BCAS3: variants seen among roughly 807,000 people sequenced by gnomAD.
BCAS3 encodes BCAS3 microtubule associated cell migration factor, also known as BCAS4/BCAS3 fusion.
Under a neutral mutation model 116.1 loss-of-function variants are expected in BCAS3, and 53 were observed. The ratio of observed to expected loss-of-function variants is 0.46; its 90% confidence interval spans 0.37 to 0.57. The LOEUF is 0.57. BCAS3 is among the 20% of genes least tolerant of loss of function. The probability of loss-of-function intolerance (pLI) is 0.00; values close to 1 mark genes in which losing one functional copy is unlikely to be tolerated. For synonymous variants in BCAS3, 391 were observed against 408.2 expected (o/e 0.96, Z 0.51); for missense variants, 917 against 1,165.4 (o/e 0.79, Z 3.10).
intron 13 of BCAS3, among the ~76,000 whole-genome samples, chr17:60,931,156 A>T (rs889490876): frequency 2.6e-5 from 4 of 152,216 alleles, no homozygotes; most frequent in African/African-American, 9.6e-5. Flanking sequence ...TAGAAGTACC[A>T]GATTGATCCC....
intron 5 of BCAS3, among the ~76,000 whole-genome samples, chr17:60,723,199 A>T (rs1358653965): frequency 6.6e-6 from 1 of 151,948 alleles, no homozygotes; most frequent in African/African-American, 2.4e-5. Flanking sequence ...ATCTATGCAT[A>T]TATTTTCTGA....
Position 60,947,203 on chromosome 17 carries a change from GT to G in BCAS3, c.1088-10del, listed in dbSNP as rs1471369226. 3.1e-6 allele frequency: 5 copies of G among 1,601,712 alleles called. No individual in the cohort carries two copies. The highest frequency in any genetic ancestry group is 3.4e-6 in the Non-Finnish European group (4 of 1,172,368). ...ATAATCATTTTTATTTTTACCCTTTGTTTTTTGTCTTCCAGGAATGCTTCTA... is the reference window on the plus strand; with the variant it reads ...ATAATCATTTTTATTTTTACCCTTTGTTTTTGTCTTCCAGGAATGCTTCTA... On this transcript the variant is annotated splice_polypyrimidine_tract_variant and intron_variant, in intron 13 of 23. Coordinates refer to ENST00000407086, the MANE Select transcript of BCAS3 (RefSeq NM_017679.5).
intron 17 of BCAS3, among the ~76,000 whole-genome samples, chr17:61,035,769 T>G (rs1053713971): frequency 6.6e-6 from 1 of 152,068 alleles, no homozygotes; most frequent in Admixed American, 6.6e-5. Flanking sequence ...TACAATGCAT[T>G]TCAGTCTAAT....
At chr17:60,762,629 G>A (rs1250022248) in intron 6 of BCAS3, among the ~76,000 whole-genome samples, 3 of 152,164 alleles carry the variant, frequency 2.0e-5, no homozygotes, top group African/African-American at 7.2e-5. Context: ...AAGTCAGGTA[G>A]CGTGATGCCT....
intron 22 of BCAS3, among the ~76,000 whole-genome samples, chr17:61,275,899 T>C (rs1372845473): frequency 1.3e-5 from 2 of 152,186 alleles, no homozygotes; most frequent in Non-Finnish European, 2.9e-5. Flanking sequence ...TAATCATACA[T>C]GGAAGAGAAT....
At chr17:60,727,087 G>T in intron 5 of BCAS3, 1 of 368,882 alleles carries the variant, frequency 2.7e-6, no homozygotes, top group Non-Finnish European at 5.0e-6. Flanking sequence ...ACATATCACT[G>T]TATTTATTTT....
At chr17:60,686,657 C>T (rs2034100575) in intron 3 of BCAS3, among the ~76,000 whole-genome samples, 1 of 152,020 alleles carries the variant, frequency 6.6e-6, no homozygotes, top group Non-Finnish European at 1.5e-5. Flanking sequence ...TCCTGAGTAG[C>T]TGGGATTGCA....
chr17:61,024,079 T>G (rs1640265816), intron 16 of BCAS3, among the ~76,000 whole-genome samples: 1 of 152,174 alleles, frequency 6.6e-6, no homozygotes, highest in African/African-American at 2.4e-5. Flanking sequence ...TGTGAACTTT[T>G]GGGAGGGGAG....
intron 12 of BCAS3, among the ~76,000 whole-genome samples, chr17:60,920,396 A>C (rs919043301): frequency 1.3e-5 from 2 of 152,238 alleles, no homozygotes; most frequent in African/African-American, 4.8e-5. Context: ...ACTTAAATCA[A>C]CAAGAACAAA....
intron 19 of BCAS3, among the ~76,000 whole-genome samples, chr17:61,045,587 G>A (rs1053184541): frequency 2.0e-5 from 3 of 150,004 alleles, no homozygotes; most frequent in Admixed American, 6.7e-5. Context: ...AGGCCGAGGC[G>A]GGGGGATCGC....
chr17:61,045,943 T>TATATATAATATATATAAATATATATATAA (rs1555685204), intron 19 of BCAS3, among the ~76,000 whole-genome samples: 6 of 16,620 alleles, frequency 3.6e-4, no homozygotes, highest in Non-Finnish European at 4.8e-4. Context: ...AATATATATA[T>TATATATAATATATATAAATATATATATAA]TATATATATA....
intron 6 of BCAS3, among the ~76,000 whole-genome samples, chr17:60,765,319 T>C (rs557089192): frequency 6.6e-6 from 1 of 152,330 alleles, no homozygotes; most frequent in Non-Finnish European, 1.5e-5. Context: ...CTTTTTGCAG[T>C]GGCTGGTACC....
chr17:60,899,502 AT>A (rs1343512089), intron 10 of BCAS3, among the ~76,000 whole-genome samples: 1 of 149,634 alleles, frequency 6.7e-6, no homozygotes. Flanking sequence ...ACAGCCTGAG[AT>A]TTTTTTTTTC....
In BCAS3 at chr17:61,037,590, G is replaced by A. The variant is rs1229673348; in HGVS notation, c.1763-299G>A. 2.0e-5 allele frequency among the ~76,000 whole-genome samples: 3 copies of A among 152,056 alleles called. No individual in the cohort carries two copies. The highest frequency in any genetic ancestry group is 1.3e-4 in the Admixed American group (2 of 15,262). On this transcript the variant is annotated intron_variant, in intron 17 of 23. Coordinates refer to ENST00000407086, the MANE Select transcript of BCAS3 (RefSeq NM_017679.5). This position sits in a 1 kb window ranked among gnomAD's most constrained non-coding sequence, Gnocchi z 4.7. ...AGTTCGAGACCAGCCTGACCAACAC[G>A]GCGAAACCCTATCTCTACTAAAAAT...
chr17:60,722,343 C>T (rs1272652987), intron 5 of BCAS3, among the ~76,000 whole-genome samples: 1 of 152,196 alleles, frequency 6.6e-6, no homozygotes, highest in Non-Finnish European at 1.5e-5. Context: ...CAACTTTGTA[C>T]TCTCACCAGA....
chr17:61,321,612 C>G (rs1351315341), intron 22 of BCAS3, among the ~76,000 whole-genome samples: 1 of 152,218 alleles, frequency 6.6e-6, no homozygotes, highest in Non-Finnish European at 1.5e-5. Context: ...ATCCCTTCAC[C>G]CTCAGGGAAC....
intron 6 of BCAS3, among the ~76,000 whole-genome samples, chr17:60,753,383 T>TTTTATTTA (rs35459382): frequency 0.07 from 9,485 of 135,530 alleles, 440 homozygotes; most frequent in African/African-American, 0.078. Context: ...TTGTCTCTTA[T>TTTTATTTA]TTTATTTATT....
chr17:61,168,639 A>C (rs2078658608), intron 22 of BCAS3, among the ~76,000 whole-genome samples: 1 of 152,210 alleles, frequency 6.6e-6, no homozygotes, highest in Non-Finnish European at 1.5e-5. Context: ...CAAGACAGCA[A>C]ATTGATTACT....
chr17:61,127,051 A>AG (rs2076082501), intron 22 of BCAS3, among the ~76,000 whole-genome samples: 1 of 152,110 alleles, frequency 6.6e-6, no homozygotes, highest in South Asian at 2.1e-4. Flanking sequence ...GAAAAAAGAG[A>AG]GAAAAAAAAG....
Sources: allele counts gnomAD v4.1 joint callset (sites outside exome capture counted in the v4.1 genomes callset), GRCh38; gene constraint gnomAD v4.1.1; non-coding constraint Gnocchi (gnomAD v3.1); transcripts MANE v1.5; gene names NCBI Gene and HGNC (gene_info 2026-07-23, HGNC 2026-07-21).